Variants in C4orf50 observed in about 807,000 individuals in gnomAD.
The protein encoded by C4orf50 is chromosome 4 open reading frame 50.
A neutral mutation model predicts 77.2 loss-of-function variants in C4orf50; 80 were observed. The ratio of observed to expected loss-of-function variants is 1.04; its 90% CI spans 0.87 to 1.25. The LOEUF is 1.25. Among genes scored for constraint, C4orf50 ranks in the 50% most tolerant of loss-of-function variants. C4orf50 has a pLI of 0.00. For missense variants in C4orf50, 1,257 were observed against 1,152.9 expected (o/e 1.09, Z -1.31); for synonymous variants, 532 against 465.3 (o/e 1.14, Z -1.84).
At chr4:5,976,294 A>AC (rs1281584046) in intron 29 of C4orf50, among the ~76,000 whole-genome samples, 1 of 151,110 alleles carries the variant, frequency 6.6e-6, no homozygotes, top group Non-Finnish European at 1.5e-5. Context: ...AAAAAAAAAT[A>AC]CAAAAAAAAA....
chr4:5,945,141 T>C (rs923460615), intron 7 of C4orf50, among the ~76,000 whole-genome samples: 1 of 152,182 alleles, frequency 6.6e-6, no homozygotes, highest in Non-Finnish European at 1.5e-5. Flanking sequence ...CGGCCCTTCC[T>C]GGGAGGAGGA....
chr4:5,969,586 C>G (rs986879930), intron 31 of C4orf50, among the ~76,000 whole-genome samples: 4 of 151,862 alleles, frequency 2.6e-5, no homozygotes, highest in African/African-American at 4.8e-5. Context: ...CCCAGGGGAG[C>G]AAAACTGATG....
At chr4:5,957,911 C>T (rs571314309) in exon 34 of C4orf50, 6 of 152,122 alleles carry the variant, frequency 3.9e-5, no homozygotes, top group Non-Finnish European at 7.3e-5. Flanking sequence ...AAGGGAAGCC[C>T]GGGGAAGAGT....
intron 23 of C4orf50, among the ~76,000 whole-genome samples, chr4:6,016,410 G>A (rs754876905): frequency 1.6e-4 from 24 of 152,254 alleles, no homozygotes; most frequent in Non-Finnish European, 2.9e-4. Context: ...CTAGCTAGGC[G>A]TGGTGATGGG....
intron 7 of C4orf50, among the ~76,000 whole-genome samples, chr4:5,925,174 G>A (rs1044894958): frequency 5.3e-5 from 8 of 152,098 alleles, no homozygotes; most frequent in African/African-American, 1.9e-4. Flanking sequence ...GTGGGGAAGA[G>A]AAGGGACCAG....
At chr4:5,923,073 T>C (rs1387450055) in intron 7 of C4orf50, among the ~76,000 whole-genome samples, 1 of 152,180 alleles carries the variant, frequency 6.6e-6, no homozygotes, top group Non-Finnish European at 1.5e-5. Context: ...CAGAGTGAAC[T>C]TTCCTGGAGT....
At chr4:5,947,344 G>A (rs1311319013) in intron 7 of C4orf50, among the ~76,000 whole-genome samples, 1 of 152,158 alleles carries the variant, frequency 6.6e-6, no homozygotes, top group African/African-American at 2.4e-5. Flanking sequence ...TTGTTAAGAA[G>A]AACTCAATGC....
intron 25 of C4orf50, among the ~76,000 whole-genome samples, chr4:6,004,231 G>A (rs1204678314): frequency 1.8e-5 from 1 of 55,446 alleles, no homozygotes; most frequent in African/African-American, 7.1e-5. Flanking sequence ...ATGATGTGAT[G>A]GTGATGATGA....
chr4:5,933,469 C>T (rs6831996), intron 7 of C4orf50, among the ~76,000 whole-genome samples: 134 of 152,316 alleles, frequency 8.8e-4, no homozygotes, highest in African/African-American at 2.9e-3. Flanking sequence ...GTGGGGCTGA[C>T]CCCTGACTCT....
exon 28 of C4orf50, chr4:5,989,062 T>C (rs770210757): frequency 6.5e-7 from 1 of 1,536,094 alleles, no homozygotes; most frequent in Non-Finnish European, 8.7e-7. Flanking sequence ...CTGTAAATAT[T>C]GATCCAGTTC....
rs1332264597 is a variant in C4orf50, at chr4:5,970,346, G to T, written c.4105-2884C>A. ...ATCTCCAGCTAACATCAGGGAGGCG[G>T]CAAGACCCGTGTTCCCAGCAGAAGG... On this transcript the variant is annotated intron_variant, in intron 31 of 33. Transcript: ENST00000531445. The surrounding 1 kb of genome is among the most constrained non-coding windows in gnomAD (Gnocchi z 4.3). 6.6e-6 allele frequency among the ~76,000 whole-genome samples: 1 copy of T among 152,142 alleles called. No individual in the cohort carries two copies. Among genetic ancestry groups the T allele is most frequent in the African/African-American group, 2.4e-5 (1 of 41,432 alleles).
At chr4:6,004,201 TGG>T (rs1385297771) in intron 25 of C4orf50, among the ~76,000 whole-genome samples, 659 of 108,488 alleles carry the variant, frequency 6.1e-3, no homozygotes, top group African/African-American at 0.019. Flanking sequence ...ATGATGGTGA[TGG>T]TGATGATGGT....
chr4:5,976,465 A>G (rs1386471695), intron 29 of C4orf50, among the ~76,000 whole-genome samples: 3 of 124,226 alleles, frequency 2.4e-5, no homozygotes, highest in East Asian at 4.0e-4. Flanking sequence ...CGGAAAAAAA[A>G]AAAAAAAAAA....
chr4:5,975,839 C>A (rs4689289), intron 30 of C4orf50, 60 bp downstream of exon 8: 735,380 of 1,333,436 alleles, frequency 0.55, 206,120 homozygotes, highest in African/African-American at 0.74. Flanking sequence ...AACAGGAAAA[C>A]TACTAAACTC....
At chr4:5,943,536 C>T (rs1718352527) in intron 7 of C4orf50, among the ~76,000 whole-genome samples, 1 of 152,212 alleles carries the variant, frequency 6.6e-6, no homozygotes, top group Admixed American at 6.5e-5. Context: ...ATTCCCAGAC[C>T]TCACTGTGCC....
rs966887500 is a variant in C4orf50 at position 5,976,062 on chromosome 4, T to C, written c.3865-107A>G. 3.5e-6 allele frequency: 3 copies of C among 857,436 alleles called. No individual in the cohort carries two copies. In the African/African-American group the frequency reaches 5.0e-5, roughly 14 times the overall value. The allele number at this position is 857,436 out of a possible 1,614,324, so 53.1% of individuals were successfully genotyped here. ...AACAGCTGGCAGTTGCCTGCCCTCT[T>C]TACCCTCATGGGGACTCAGTGCCAG... is the stretch of plus-strand genomic sequence containing the variant. On this transcript the variant is annotated intron_variant, in intron 29 of 33. Transcript: ENST00000531445.
chr4:5,913,316 G>A (rs1716890813), intron 7 of C4orf50, among the ~76,000 whole-genome samples: 1 of 152,222 alleles, frequency 6.6e-6, no homozygotes, highest in Non-Finnish European at 1.5e-5. Flanking sequence ...GCTCCTTGAT[G>A]AGGAGGAGGC....
At chr4:5,935,784 TAAAAAA>T (rs769910855) in intron 7 of C4orf50, among the ~76,000 whole-genome samples, 363 of 31,486 alleles carry the variant, frequency 0.012, 10 homozygotes, top group African/African-American at 0.027. Flanking sequence ...AGACTCCGTC[TAAAAAA>T]AAAAAAAAAA....
intron 29 of C4orf50, among the ~76,000 whole-genome samples, chr4:5,978,961 A>C (rs1351512248): frequency 1.3e-5 from 2 of 152,248 alleles, no homozygotes; most frequent in African/African-American, 4.8e-5. Context: ...TCTTACAAAG[A>C]ACACATGGGA....
Sources: allele counts gnomAD v4.1 joint callset (sites outside exome capture counted in the v4.1 genomes callset), GRCh38; gene constraint gnomAD v4.1.1; non-coding constraint Gnocchi (gnomAD v3.1); transcripts MANE v1.5; gene names NCBI Gene and HGNC (gene_info 2026-07-23, HGNC 2026-07-21).